ZNF226: variants seen among roughly 807,000 people sequenced by gnomAD.
ZNF226 encodes zinc finger protein 226.
Under a neutral mutation model 11.4 loss-of-function variants are expected in ZNF226, and 6 were observed. That is an observed-to-expected ratio of 0.53 (90% CI 0.29 to 1.04). The LOEUF (loss-of-function observed/expected upper bound fraction) is 1.04. Ranked by LOEUF, ZNF226 falls within the 50% of genes least tolerant of loss-of-function variation. ZNF226 has a pLI of 0.08. For synonymous variants in ZNF226, 350 were observed against 322.8 expected, an observed-to-expected ratio of 1.08 and a Z score of -0.90; for missense variants, 1,058 against 956.5, an observed-to-expected ratio of 1.11 and a Z score of -1.40.
In ZNF226 at chr19:44,172,218, AG is replaced by A; in HGVS notation, c.142+6del. On this transcript the variant is annotated splice_donor_5th_base_variant and intron_variant, in intron 4 of 5. Transcript: ENST00000337433. ...TTTAGGAACCTGCTGTCAGTGGGTGAGGACAGCCTCCCTCTGGAATATCTTT... is the reference window on the plus strand; with the variant it reads ...TTTAGGAACCTGCTGTCAGTGGGTGAGACAGCCTCCCTCTGGAATATCTTT... 6.2e-7 allele frequency: 1 copy of A among 1,609,766 alleles called. No individual in the cohort carries two copies. The highest frequency in any genetic ancestry group is 8.5e-7 in the Non-Finnish European group (1 of 1,177,328).
chr19:44,165,337 T>A (rs1198995732), intron 1 of ZNF226, 195 bp downstream of exon 1: 1 of 152,158 alleles, frequency 6.6e-6, no homozygotes, highest in Non-Finnish European at 1.5e-5. Flanking sequence ...GGGGTGATGC[T>A]TCGTCGGGTT....
Position 44,172,920 on chromosome 19 carries a change from TGAC to T in ZNF226, c.207_209del (p.Thr70del). On this transcript the variant is annotated inframe_deletion, in exon 5 of 6. Transcript: ENST00000337433. ...GAAAGAAATGAGCAGCTTTGGATAATGACGACAGCAACCCGAAGACAGGGAAAT... is the reference window on the plus strand; with the variant it reads ...GAAAGAAATGAGCAGCTTTGGATAATGACAGCAACCCGAAGACAGGGAAAT... The T allele has an allele frequency of 6.2e-7, 1 of 1,605,408 alleles. No homozygotes were observed. Among genetic ancestry groups the T allele is most frequent in the Non-Finnish European group, 8.5e-7 (1 of 1,175,856 alleles).
chr19:44,186,856 T>G, the ZNF226 span, among the ~76,000 whole-genome samples: 1 of 143,070 alleles, frequency 7.0e-6, no homozygotes, highest in East Asian at 2.0e-4. Context: ...GGTACTTTCC[T>G]TTCATTTCTA....
chr19:44,167,426 C>T (rs2122246180), intron 2 of ZNF226, among the ~76,000 whole-genome samples: 1 of 144,388 alleles, frequency 6.9e-6, no homozygotes, highest in South Asian at 2.2e-4. Context: ...TCAAAAGATT[C>T]TCCTGCCTCA....
chr19:44,175,609 A>G lies in ZNF226; in HGVS notation c.347A>G (p.Asp116Gly). 1 of 1,613,886 alleles carries G rather than the reference A, an allele frequency of 6.2e-7. No individual in the cohort carries two copies. Residue 116 changes from aspartate (D) to glycine (G), a missense_variant, in exon 6 of 6, where the codon GAC becomes GGC. Transcript: ENST00000337433. ...QIANDLTRCQ[D>G]SMINNSQCHK... ...GCAAATGACTTAACCAGGTGTCAAG[A>G]CTCCATGATCAATAATTCTCAGTGT...
the ZNF226 span, among the ~76,000 whole-genome samples, chr19:44,195,906 C>T: frequency 6.6e-6 from 1 of 152,218 alleles, no homozygotes; most frequent in South Asian, 2.1e-4. Flanking sequence ...ATAGGTAATT[C>T]TGCATAATGT....
intron 3 of ZNF226, 43 bp from the exon 4 acceptor site, chr19:44,172,045 T>G: frequency 6.3e-7 from 1 of 1,598,214 alleles, no homozygotes; most frequent in East Asian, 2.3e-5. Context: ...CATCTTCTAG[T>G]GGACATTGGT....
At chr19:44,198,028 GATTA>G in the ZNF226 span, among the ~76,000 whole-genome samples, 243 of 152,202 alleles carry the variant, frequency 1.6e-3, no homozygotes, top group Non-Finnish European at 2.4e-3. Context: ...TAAAGGTCAA[GATTA>G]ATTATTTTTC....
the ZNF226 span, among the ~76,000 whole-genome samples, chr19:44,190,402 C>T: frequency 9.2e-5 from 14 of 152,142 alleles, no homozygotes; most frequent in East Asian, 9.7e-4. Flanking sequence ...GGCGCGATCT[C>T]GGCTCACTGC....
At chr19:44,182,600 G>A (rs78923845), downstream of ZNF226, among the ~76,000 whole-genome samples, 5,509 of 152,286 alleles carry the variant, frequency 0.036, 177 homozygotes, top group South Asian at 0.082. Flanking sequence ...AAGTTCATTG[G>A]CGAGAGGAGC....
chr19:44,186,701 T>C, the ZNF226 span, among the ~76,000 whole-genome samples: 1 of 152,142 alleles, frequency 6.6e-6, no homozygotes, highest in South Asian at 2.1e-4. Context: ...TTGACCTGGC[T>C]AGAATATCCA....
At chr19:44,178,373 G>A (rs889702526), downstream of ZNF226, 7 of 152,144 alleles carry the variant, frequency 4.6e-5, no homozygotes, top group African/African-American at 1.7e-4. Flanking sequence ...TAAGGCAGGG[G>A]TTTAAGTGTC....
At position 44,176,587 on chromosome 19, in the gene ZNF226, C is replaced by G. The variant is rs1319778189; in HGVS notation, c.1325C>G (p.Thr442Arg). Residue 442 changes from threonine (T) to arginine (R), a missense_variant, in exon 6 of 6, where the codon ACA becomes AGA. Physicochemically the swap from Thr to Arg is moderately conservative, Grantham distance 71. Coordinates refer to ENST00000337433, the MANE Select transcript of ZNF226 (RefSeq NM_001032373.2). ...CTTTACATTCATCAGAGAGTCCACA[C>G]AGGAGAAAAACCCTATAAATGTGAG... is the stretch of plus-strand genomic sequence containing the variant. ...SNLYIHQRVH[T>R]GEKPYKCEEC... is the part of the protein sequence containing the mutation. The G allele has an allele frequency of 1.2e-6, 2 of 1,613,914 alleles. No individual in the cohort carries two copies. Among genetic ancestry groups the G allele is most frequent in the Non-Finnish European group, 1.7e-6 (2 of 1,179,966 alleles).
chr19:44,183,927 A>G, the ZNF226 span, among the ~76,000 whole-genome samples: 1 of 152,170 alleles, frequency 6.6e-6, no homozygotes, highest in Non-Finnish European at 1.5e-5. Flanking sequence ...TCTACTTTCC[A>G]GTATTTTTCA....
chr19:44,172,160 A>G lies in ZNF226; in HGVS notation c.88A>G (p.Arg30Gly), dbSNP rs763093869. ...ATTGGGGCTGCTGGGCCCTGCCCAG[A>G]GGAAGCTGTACCGAGATGTGATGGT... ...EELGLLGPAQ[R>G]KLYRDVMVEN... Residue 30 changes from arginine (R) to glycine (G), a missense_variant, in exon 4 of 6, where the codon AGG becomes GGG. Transcript: ENST00000337433. 3 of 1,613,148 alleles carry G rather than the reference A, an allele frequency of 1.9e-6. No individual in the cohort carries two copies. Among genetic ancestry groups the G allele is most frequent in the Non-Finnish European group, 2.5e-6 (3 of 1,179,430 alleles).
In ZNF226 at chr19:44,176,749, T is replaced by A. The variant is rs377205758; in HGVS notation, c.1487T>A (p.Val496Asp). ...LSSNLQAHQR[V>D]HTGEKPYKCN... ...TCAAATCTTCAAGCCCATCAGAGAG[T>A]CCACACTGGAGAGAAGCCATACAAA... Residue 496 changes from valine to aspartate, a missense_variant, in exon 6 of 6, where the codon GTC becomes GAC. Transcript: ENST00000337433. 18 of 1,614,034 alleles carry A rather than the reference T, an allele frequency of 1.1e-5. No homozygotes were observed. Among genetic ancestry groups the A allele is most frequent in the East Asian group, 1.1e-4 (5 of 44,874 alleles).
At position 44,176,159 on chromosome 19, in the gene ZNF226, G is replaced by A; in HGVS notation, c.897G>A (p.Gln299=). 1 of 1,614,150 alleles carries A rather than the reference G, an allele frequency of 6.2e-7. No homozygotes were observed. Among genetic ancestry groups the A allele is most frequent in the East Asian group, 2.2e-5 (1 of 44,886 alleles). ...ACAGCCCAGTTCTTCCTGTTCATCA[G>A]AAAGTACATGTGGGAGAAAAACTTA... ...FCYSPVLPVH[Q]KVHVGEKLKC... The change falls in exon 6 of 6, where the codon CAG becomes CAA. Residue 299 remains glutamine, a synonymous_variant. Transcript: ENST00000337433.
chr19:44,170,479 G>A (rs112753363), intron 3 of ZNF226, among the ~76,000 whole-genome samples: 95 of 152,294 alleles, frequency 6.2e-4, no homozygotes, highest in Middle Eastern at 3.4e-3. Flanking sequence ...GCTCACGCCT[G>A]TAATCCCAGC....
the ZNF226 span, among the ~76,000 whole-genome samples, chr19:44,191,775 A>C: frequency 9.9e-5 from 15 of 152,194 alleles, no homozygotes; most frequent in African/African-American, 3.6e-4. Flanking sequence ...TAAAAAAAAA[A>C]ACCTTAATTC....
Sources: allele counts gnomAD v4.1 joint callset (sites outside exome capture counted in the v4.1 genomes callset), GRCh38; gene constraint gnomAD v4.1.1; transcripts MANE v1.5; gene names NCBI Gene and HGNC (gene_info 2026-07-23, HGNC 2026-07-21).